Variants in MALRD1 observed in about 807,000 individuals in gnomAD.
The protein encoded by MALRD1 is MAM and LDL-receptor class A domain-containing protein 1.
Under a neutral mutation model 242.1 loss-of-function variants are expected in MALRD1, and 247 were observed. That is an observed-to-expected ratio of 1.02 (90% CI 0.92 to 1.13). MALRD1 has a LOEUF of 1.13. Among genes scored for constraint, MALRD1 ranks in the 50% most tolerant of loss-of-function variants. The pLI is 0.00. For synonymous variants in MALRD1, 995 were observed against 866.6 expected, an observed-to-expected ratio of 1.15 and a Z score of -2.60; for missense variants, 2,989 against 2,533.1, an observed-to-expected ratio of 1.18 and a Z score of -3.86.
At chr10:19,451,344 C>G (rs1199231180) in intron 29 of MALRD1, among the ~76,000 whole-genome samples, 1 of 151,972 alleles carries the variant, frequency 6.6e-6, no homozygotes, top group Non-Finnish European at 1.5e-5. Flanking sequence ...AGCCTGTGAA[C>G]AGTAACTTGA....
At chr10:19,621,562 A>C (rs955301506) in intron 36 of MALRD1, among the ~76,000 whole-genome samples, 1 of 151,744 alleles carries the variant, frequency 6.6e-6, no homozygotes, top group Admixed American at 6.6e-5. Context: ...TAAAATAAGG[A>C]GAATCAAAGA....
At chr10:19,587,975 G>C (rs1017704855) in intron 33 of MALRD1, among the ~76,000 whole-genome samples, 1 of 151,250 alleles carries the variant, frequency 6.6e-6, no homozygotes, top group Non-Finnish European at 1.5e-5. Flanking sequence ...AACAAAAATG[G>C]CAGATTTATT....
At chr10:19,626,350 AT>A (rs1554816371) in intron 36 of MALRD1, among the ~76,000 whole-genome samples, 2 of 107,876 alleles carry the variant, frequency 1.9e-5, no homozygotes, top group Non-Finnish European at 1.9e-5. Flanking sequence ...GGATTATTCT[AT>A]TTGCTCACGG....
At chr10:19,317,494 A>AT (rs1195921720) in intron 21 of MALRD1, among the ~76,000 whole-genome samples, 8 of 152,098 alleles carry the variant, frequency 5.3e-5, no homozygotes, top group African/African-American at 1.4e-4. Context: ...AGCTCAAAGT[A>AT]TTGTTCACAA....
chr10:19,112,977 G>A (rs928977203), intron 5 of MALRD1, among the ~76,000 whole-genome samples: 4 of 151,442 alleles, frequency 2.6e-5, no homozygotes, highest in African/African-American at 9.7e-5. Flanking sequence ...TATCAATTTG[G>A]CTAAAAAATA....
intron 12 of MALRD1, among the ~76,000 whole-genome samples, chr10:19,165,262 TA>T (rs57613047): frequency 1.2e-5 from 1 of 85,288 alleles, no homozygotes; most frequent in South Asian, 3.1e-4. Flanking sequence ...TATATATATA[TA>T]TATTTTGTTT....
chr10:19,659,479 AT>A (rs1350663948), intron 36 of MALRD1, among the ~76,000 whole-genome samples: 2 of 152,140 alleles, frequency 1.3e-5, no homozygotes, highest in Admixed American at 1.3e-4. Flanking sequence ...CTATTTCTAT[AT>A]TCATTACCAC....
intron 32 of MALRD1, among the ~76,000 whole-genome samples, chr10:19,534,501 C>T (rs1277421468): frequency 1.3e-5 from 2 of 152,056 alleles, no homozygotes; most frequent in Admixed American, 6.6e-5. Flanking sequence ...AGATGTGGAC[C>T]CATGTTTGTG....
intron 28 of MALRD1, among the ~76,000 whole-genome samples, chr10:19,410,486 G>A (rs772288614): frequency 2.0e-5 from 3 of 152,130 alleles, no homozygotes; most frequent in Non-Finnish European, 4.4e-5. Context: ...AAAAAACTTG[G>A]ATAGTACAAG....
chr10:19,436,111 A>G (rs1834341849), intron 28 of MALRD1, among the ~76,000 whole-genome samples: 2 of 152,066 alleles, frequency 1.3e-5, no homozygotes. Context: ...GCCCTACAAG[A>G]TGTCCCAGGC....
chr10:19,236,924 A>G, intron 18 of MALRD1, among the ~76,000 whole-genome samples: 1 of 152,066 alleles, frequency 6.6e-6, no homozygotes, highest in Middle Eastern at 3.2e-3. Flanking sequence ...GGCTGAGTCA[A>G]GAACAAAGCT....
rs200014120 is a variant in MALRD1, at chr10:19,482,570, T to A, written c.5030-8947T>A. Reference sequence around the variant, plus strand: ...CCCCTGTAACTGATCCACAACAATGTGCAAAAAATAGTAGCATTTCTATAC... The same window carrying A: ...CCCCTGTAACTGATCCACAACAATGAGCAAAAAATAGTAGCATTTCTATAC... On this transcript the variant is annotated intron_variant, in intron 29 of 39. Transcript: ENST00000454679. Among the ~76,000 whole-genome samples the A allele has an allele frequency of 2.0e-5, 3 of 151,074 alleles. No homozygotes were observed. The East Asian group carries it at 5.9e-4, about 30-fold the overall frequency.
intron 28 of MALRD1, among the ~76,000 whole-genome samples, chr10:19,397,366 A>G (rs894918742): frequency 6.6e-6 from 1 of 152,130 alleles, no homozygotes; most frequent in Non-Finnish European, 1.5e-5. Flanking sequence ...GGTATATTTC[A>G]CTTAACATAA....
chr10:19,128,244 A>G lies in MALRD1; in HGVS notation c.967A>G (p.Lys323Glu). ...AGGTTATTATGTATGGGTAGGCGCT[A>G]AGCATGGTTTCACTCTTAACCATTT... The part of the protein sequence containing the change: ...DEGYYVWVGA[K>E]HGFTLNHLDS... The change falls in exon 8 of 40, where the codon AAG (lysine) becomes GAG (glutamate). Residue 323 changes from lysine to glutamate, a missense_variant. Physicochemically the swap from Lys to Glu is moderately conservative, Grantham distance 56. Transcript: ENST00000454679. 1 of 1,233,478 alleles carries G rather than the reference A, an allele frequency of 8.1e-7. No homozygotes were observed. The allele number at this position is 1,233,478 out of a possible 1,614,324, so 76.4% of individuals were successfully genotyped here.
intron 2 of MALRD1, among the ~76,000 whole-genome samples, chr10:19,083,437 C>T (rs7908679): frequency 0.28 from 42,445 of 151,844 alleles, 6,023 homozygotes; most frequent in East Asian, 0.35. Context: ...AACTCCCTAT[C>T]GATGTCTCAT....
chr10:19,278,995 G>A (rs1588839677), intron 19 of MALRD1, among the ~76,000 whole-genome samples: 1 of 152,288 alleles, frequency 6.6e-6, no homozygotes, highest in East Asian at 1.9e-4. Flanking sequence ...GCAACAGCCT[G>A]GGCTCCAGAG....
intron 33 of MALRD1, among the ~76,000 whole-genome samples, chr10:19,589,745 G>A (rs899740001): frequency 3.3e-5 from 5 of 152,080 alleles, no homozygotes; most frequent in Non-Finnish European, 5.9e-5. Flanking sequence ...AGTCATCAAC[G>A]TTTCTGAGTG....
intron 31 of MALRD1, among the ~76,000 whole-genome samples, chr10:19,499,897 A>G (rs1249306814): frequency 6.6e-6 from 1 of 152,176 alleles, no homozygotes; most frequent in East Asian, 1.9e-4. Flanking sequence ...AATTCCTTCT[A>G]TATGGTGAAT....
intron 1 of MALRD1, among the ~76,000 whole-genome samples, chr10:19,052,351 A>T (rs2131200586): frequency 6.6e-6 from 1 of 152,320 alleles, no homozygotes; most frequent in Non-Finnish European, 1.5e-5. Context: ...CATACTGTAA[A>T]TGTTACTTTT....
Sources: allele counts gnomAD v4.1 joint callset (sites outside exome capture counted in the v4.1 genomes callset), GRCh38; gene constraint gnomAD v4.1.1; transcripts MANE v1.5; gene names NCBI Gene and HGNC (gene_info 2026-07-23, HGNC 2026-07-21).